The following PTPRD variants were observed in gnomAD, a reference collection of about 807,000 sequenced individuals.
The protein encoded by PTPRD is protein tyrosine phosphatase receptor type D.
In PTPRD, 34 loss-of-function variants were observed where a neutral mutation model predicts 214.5. The observed-to-expected ratio is 0.16, with a 90% CI of 0.12 to 0.21. PTPRD has a LOEUF of 0.21. Among genes scored for constraint, PTPRD ranks in the 10% least tolerant of loss-of-function variants. The pLI, the probability that PTPRD is intolerant of heterozygous loss-of-function variation, is 1.00. For synonymous variants in PTPRD, 1,128 were observed against 845.7 expected (o/e 1.33, Z -5.79); for missense variants, 2,545 against 2,398.7 (o/e 1.06, Z -1.27).
chr9:9,571,450 A>G (rs1368090896), intron 8 of PTPRD, among the ~76,000 whole-genome samples: 2 of 151,324 alleles, frequency 1.3e-5, no homozygotes, highest in Non-Finnish European at 1.5e-5. Context: ...AACTTATTAG[A>G]CATAATATTT....
In PTPRD at chr9:8,339,058, AGAAGATT is replaced by A; in HGVS notation, c.5254-18_5254-12del. On this transcript the variant is annotated splice_polypyrimidine_tract_variant and intron_variant, in intron 42 of 45. Coordinates refer to ENST00000381196, the MANE Select transcript of PTPRD (RefSeq NM_002839.4). Reference sequence around the variant, plus strand: ...TTGGTGACATTTCTCCTAAAAGGAGAGAAGATTAATGTTAAACTATGCAAAGTATAAA... The same window carrying A: ...TTGGTGACATTTCTCCTAAAAGGAGAAATGTTAAACTATGCAAAGTATAAA... 6.2e-7 allele frequency: 1 copy of A among 1,609,216 alleles called. No individual in the cohort carries two copies. Among genetic ancestry groups the A allele is most frequent in the Non-Finnish European group, 8.5e-7 (1 of 1,176,860 alleles).
At chr9:9,547,354 T>C (rs1023796432) in intron 8 of PTPRD, among the ~76,000 whole-genome samples, 1 of 152,126 alleles carries the variant, frequency 6.6e-6, no homozygotes, top group Non-Finnish European at 1.5e-5. Context: ...TCTTTTTCTT[T>C]TGGAAATCCT....
At chr9:9,621,741 CCTGGG>C (rs2095248530) in intron 7 of PTPRD, among the ~76,000 whole-genome samples, 1 of 152,060 alleles carries the variant, frequency 6.6e-6, no homozygotes, top group Admixed American at 6.6e-5. Flanking sequence ...GTGGAGCACG[CCTGGG>C]CTGGGGTGAT....
At chr9:10,075,208 A>G (rs562591358) in intron 3 of PTPRD, among the ~76,000 whole-genome samples, 6 of 152,196 alleles carry the variant, frequency 3.9e-5, no homozygotes, top group African/African-American at 1.4e-4. Flanking sequence ...ATTCATTTTT[A>G]TTACTGAAAA....
At chr9:10,507,154 C>T (rs751219156) in intron 2 of PTPRD, among the ~76,000 whole-genome samples, 4 of 152,082 alleles carry the variant, frequency 2.6e-5, no homozygotes, top group Non-Finnish European at 4.4e-5. Context: ...ACACCAATAA[C>T]AGACAAACAG....
At chr9:8,821,015 C>T (rs563014824) in intron 11 of PTPRD, among the ~76,000 whole-genome samples, 4 of 152,318 alleles carry the variant, frequency 2.6e-5, no homozygotes, top group Non-Finnish European at 5.9e-5. Context: ...AAACTTTCAA[C>T]TTATAGCCAC....
chr9:8,554,709 G>A (rs961553740), intron 14 of PTPRD, among the ~76,000 whole-genome samples: 33 of 152,164 alleles, frequency 2.2e-4, no homozygotes, highest in African/African-American at 8.0e-4. Flanking sequence ...CCTGGGATAA[G>A]AATTCATTCA....
intron 14 of PTPRD, among the ~76,000 whole-genome samples, chr9:8,542,467 A>G (rs950902586): frequency 6.6e-6 from 1 of 152,204 alleles, no homozygotes; most frequent in African/African-American, 2.4e-5. Context: ...AGGGTTGGTA[A>G]TATTTTGAAG....
At chr9:8,527,673 A>T (rs1255776460) in intron 15 of PTPRD, among the ~76,000 whole-genome samples, 1 of 152,134 alleles carries the variant, frequency 6.6e-6, no homozygotes, top group African/African-American at 2.4e-5. Flanking sequence ...GCTTATTATT[A>T]TATATCCCTG....
In PTPRD at chr9:10,171,613, C is replaced by T. The variant is rs2099206695; in HGVS notation, c.-544-137823G>A. 3.9e-5 allele frequency among the ~76,000 whole-genome samples: 6 copies of T among 152,306 alleles called. No individual in the cohort carries two copies. The South Asian group carries it at 1.2e-3, about 32-fold the overall frequency. On this transcript the variant is annotated intron_variant, in intron 3 of 45. Transcript: ENST00000381196. ...AATCTCGGCTCACTGCGAGCTCCGC[C>T]TCCCGGGTTCACGCCATTCTCCTGC...
At chr9:9,240,783 A>G (rs2099969993) in intron 9 of PTPRD, among the ~76,000 whole-genome samples, 1 of 152,208 alleles carries the variant, frequency 6.6e-6, no homozygotes, top group South Asian at 2.1e-4. Context: ...TTTGGTTATT[A>G]CATTAAAATA....
rs111832815 is a variant in PTPRD at position 8,814,660 on chromosome 9, A to C, written c.-103-80714T>G. On this transcript the variant is annotated intron_variant, in intron 11 of 45. Transcript: ENST00000381196. ...CAAGGGCATGAGTTTGGAGAGCACA[A>C]ACCATCTGTGACGTAGATTATGCGA... Among the ~76,000 whole-genome samples, 211 of 152,354 alleles carry C rather than the reference A, an allele frequency of 1.4e-3. 2 individuals carry two copies. Among genetic ancestry groups the C allele is most frequent in the African/African-American group, 4.8e-3 (198 of 41,588 alleles).
chr9:10,559,476 C>T (rs951671985), intron 2 of PTPRD, among the ~76,000 whole-genome samples: 3 of 152,094 alleles, frequency 2.0e-5, no homozygotes, highest in African/African-American at 4.8e-5. Context: ...AATAATCTCT[C>T]ATAGTCCCAA....
chr9:10,600,864 G>T (rs1323821868), intron 2 of PTPRD, among the ~76,000 whole-genome samples: 2 of 151,716 alleles, frequency 1.3e-5, no homozygotes, highest in African/African-American at 4.8e-5. Flanking sequence ...AGTGCTTGAA[G>T]AGAAAATGCA....
intron 9 of PTPRD, among the ~76,000 whole-genome samples, chr9:9,326,645 ATT>A (rs879899952): frequency 6.7e-6 from 1 of 149,732 alleles, no homozygotes; most frequent in Non-Finnish European, 1.5e-5. Flanking sequence ...AGCATTGAAG[ATT>A]TTTTTTTTTA....
chr9:10,243,159 T>C (rs1047363071), intron 3 of PTPRD, among the ~76,000 whole-genome samples: 1 of 151,928 alleles, frequency 6.6e-6, no homozygotes, highest in Admixed American at 6.6e-5. Context: ...GAGGAGGGAG[T>C]TATTCAGAGA....
At chr9:8,607,811 T>A (rs1285301696) in intron 14 of PTPRD, among the ~76,000 whole-genome samples, 3 of 152,212 alleles carry the variant, frequency 2.0e-5, no homozygotes, top group African/African-American at 7.2e-5. Flanking sequence ...ATATTTATTT[T>A]ATTACAGTTT....
At chr9:10,527,736 T>G (rs1399010140) in intron 2 of PTPRD, among the ~76,000 whole-genome samples, 1 of 152,144 alleles carries the variant, frequency 6.6e-6, no homozygotes, top group African/African-American at 2.4e-5. Flanking sequence ...CTAGAATGAT[T>G]TGCTTTCTAA....
rs985336761 is a variant in PTPRD at position 10,414,976 on chromosome 9, G to A, written c.-599-73959C>T. 2.0e-5 allele frequency among the ~76,000 whole-genome samples: 3 copies of A among 151,618 alleles called. No homozygotes were observed. The Admixed American group carries it at 2.0e-4, about 10-fold the overall frequency. On this transcript the variant is annotated intron_variant, in intron 2 of 45. Transcript: ENST00000381196. ...AGAGGAGCAGAAATAATAACTATTG[G>A]TTACTAGGTTTAATATCTAGTATTA... is the stretch of plus-strand genomic sequence containing the variant.
Sources: allele counts gnomAD v4.1 joint callset (sites outside exome capture counted in the v4.1 genomes callset), GRCh38; gene constraint gnomAD v4.1.1; transcripts MANE v1.5; gene names NCBI Gene and HGNC (gene_info 2026-07-23, HGNC 2026-07-21).